The following HDAC4 variants were observed in gnomAD, a reference collection of about 807,000 sequenced individuals.
The protein encoded by HDAC4 is histone deacetylase A.
In HDAC4, 16 loss-of-function variants were observed where a neutral mutation model predicts 135.1. That is an observed-to-expected ratio of 0.12 (90% CI 0.08 to 0.18). The LOEUF (loss-of-function observed/expected upper bound fraction) is 0.18. HDAC4 is among the 10% of genes least tolerant of loss of function. The pLI, the probability that HDAC4 is intolerant of heterozygous loss-of-function variation, is 1.00. For missense variants in HDAC4, 1,143 were observed against 1,511.8 expected, an observed-to-expected ratio of 0.76 and a Z score of 4.05; for synonymous variants, 685 against 653.4, an observed-to-expected ratio of 1.05 and a Z score of -0.74.
At chr2:239,190,739 G>A (rs376628733) in intron 3 of HDAC4, among the ~76,000 whole-genome samples, 46 of 152,326 alleles carry the variant, frequency 3.0e-4, no homozygotes, top group African/African-American at 9.9e-4. Context: ...TGCACCTCGC[G>A]AAGAAATGGA....
intron 2 of HDAC4, among the ~76,000 whole-genome samples, chr2:239,254,279 T>G (rs576298963): frequency 5.9e-5 from 9 of 152,134 alleles, no homozygotes; most frequent in Non-Finnish European, 1.3e-4. Context: ...CTGAAGAGTT[T>G]ACCATGCAAA....
At chr2:239,291,772 A>G (rs1469175896) in intron 2 of HDAC4, among the ~76,000 whole-genome samples, 2 of 152,208 alleles carry the variant, frequency 1.3e-5, no homozygotes, top group East Asian at 1.9e-4. Flanking sequence ...GTCCACACAG[A>G]TATCATAAAG....
intron 2 of HDAC4, among the ~76,000 whole-genome samples, chr2:239,341,202 G>A (rs537295616): frequency 3.9e-5 from 6 of 152,286 alleles, no homozygotes; most frequent in Admixed American, 2.6e-4. Flanking sequence ...CTCCCTCCCC[G>A]ATCCTTTCAC....
chr2:239,263,423 C>G (rs2049507179), intron 2 of HDAC4, among the ~76,000 whole-genome samples: 1 of 152,020 alleles, frequency 6.6e-6, no homozygotes, highest in African/African-American at 2.4e-5. Context: ...AGGTGAACAG[C>G]TTCCCCCTCG....
At chr2:239,209,946 C>T (rs372665265) in intron 3 of HDAC4, among the ~76,000 whole-genome samples, 4 of 152,174 alleles carry the variant, frequency 2.6e-5, no homozygotes, top group South Asian at 2.1e-4. Context: ...CCCCACTTTA[C>T]GCCCACCGAC....
In HDAC4 at chr2:239,081,143, C is replaced by T; in HGVS notation, c.2702G>A (p.Gly901Asp). The T allele has an allele frequency of 1.2e-6, 2 of 1,614,054 alleles. No homozygotes were observed. Among genetic ancestry groups the T allele is most frequent in the South Asian group, 1.1e-5 (1 of 91,062 alleles). ...VGFNVNMAFTGGLDPPMGDAE... is the reference protein window; with the variant it reads ...VGFNVNMAFTDGLDPPMGDAE... ...GTCTCCCATGGGGGGGTCCAGGCCG[C>T]CGGTGAAAGCCATGTTGACGTTGAA... The change falls in exon 22 of 27, where the codon GGC becomes GAC. Residue 901 changes from glycine (G) to aspartate (D), a missense_variant. Physicochemically the swap from Gly to Asp is moderately conservative, Grantham distance 94. Coordinates refer to ENST00000543185, the MANE Select transcript of HDAC4 (RefSeq NM_001378414.1).
At position 239,190,174 on chromosome 2, in the gene HDAC4, C is replaced by CAG. The variant is rs796492749; in HGVS notation, c.95-98_95-97insCT. 3 of 1,071,058 alleles carry CAG rather than the reference C, an allele frequency of 2.8e-6. No homozygotes were observed. The African/African-American group carries it at 5.8e-5, about 21-fold the overall frequency. 66.3% of individuals were successfully genotyped at this position (1,071,058 alleles called of 1,614,324 possible). On this transcript the variant is annotated intron_variant, in intron 3 of 26. Transcript: ENST00000543185. ...CAACACACTGGCCACCTTCACGGGG[C>CAG]GGGGGGGGGGTTGTGACCATTTGAG...
At chr2:239,236,102 C>T (rs577752306) in intron 3 of HDAC4, among the ~76,000 whole-genome samples, 26 of 152,318 alleles carry the variant, frequency 1.7e-4, no homozygotes, top group African/African-American at 5.5e-4. Flanking sequence ...CTGATCACCA[C>T]CGATACTTTT....
chr2:239,378,735 T>C (rs1695205196), intron 1 of HDAC4, among the ~76,000 whole-genome samples: 1 of 152,144 alleles, frequency 6.6e-6, no homozygotes, highest in South Asian at 2.1e-4. Context: ...CAGGAACCAA[T>C]GACCCCAGCA....
chr2:239,264,765 G>A (rs548760415), intron 2 of HDAC4, among the ~76,000 whole-genome samples: 28 of 152,316 alleles, frequency 1.8e-4, no homozygotes, highest in Admixed American at 7.2e-4. Flanking sequence ...CATGCCTTGC[G>A]GCAGGTCCCA....
intron 18 of HDAC4, chr2:239,089,766 A>T: frequency 2.0e-6 from 1 of 512,284 alleles, no homozygotes; most frequent in Non-Finnish European, 3.5e-6. Context: ...TTTTAAGAGT[A>T]TAAAGGGTTC....
At chr2:239,260,658 G>A (rs1316744626) in intron 2 of HDAC4, among the ~76,000 whole-genome samples, 4 of 152,156 alleles carry the variant, frequency 2.6e-5, no homozygotes, top group African/African-American at 9.7e-5. Flanking sequence ...GTGGCCTGTG[G>A]CCTCCGGCTC....
chr2:239,110,102 G>A (rs889264477), intron 14 of HDAC4, among the ~76,000 whole-genome samples: 6 of 152,156 alleles, frequency 3.9e-5, no homozygotes, highest in Non-Finnish European at 8.8e-5. Flanking sequence ...ACAGAGTCCC[G>A]TCTCTGTGAA....
intron 15 of HDAC4, among the ~76,000 whole-genome samples, chr2:239,103,097 G>A (rs1373000860): frequency 6.6e-6 from 1 of 152,128 alleles, no homozygotes; most frequent in Non-Finnish European, 1.5e-5. Context: ...TATTTTAGAG[G>A]GCTTACACTT....
In HDAC4 at chr2:239,163,859, C is replaced by T. The variant is rs769558200; in HGVS notation, c.555G>A (p.Ala185=). 26 of 1,613,958 alleles carry T rather than the reference C, an allele frequency of 1.6e-5. No individual in the cohort carries two copies. The highest frequency in any genetic ancestry group is 2.0e-5 in the Non-Finnish European group (24 of 1,179,966). The change falls in exon 6 of 27, where the codon GCG becomes GCA. Residue 185 remains alanine, a synonymous_variant. Coordinates refer to ENST00000543185, the MANE Select transcript of HDAC4 (RefSeq NM_001378414.1). The part of the protein sequence containing the change: ...LQEFVLNKKK[A]LAHRNLNHCI... ...AGTGGTTCAGATTCCGGTGGGCCAG[C>T]GCCTTCTTTTTATTGAGGACAAATT...
At chr2:239,357,511 C>G (rs975813112) in intron 1 of HDAC4, among the ~76,000 whole-genome samples, 1 of 151,106 alleles carries the variant, frequency 6.6e-6, no homozygotes, top group Admixed American at 6.6e-5. Context: ...AAACTAAAAG[C>G]TGATTCTTTG....
chr2:239,165,467 A>G (rs922978801), intron 5 of HDAC4, among the ~76,000 whole-genome samples: 15 of 151,990 alleles, frequency 9.9e-5, no homozygotes, highest in Middle Eastern at 3.4e-3. Flanking sequence ...CGATGTGCAC[A>G]GTGGTGTTGT....
At chr2:239,345,732 A>T (rs1278851455) in intron 2 of HDAC4, among the ~76,000 whole-genome samples, 3 of 150,894 alleles carry the variant, frequency 2.0e-5, no homozygotes, top group Non-Finnish European at 4.4e-5. Flanking sequence ...CCTAACACAC[A>T]TACACACCGT....
At chr2:239,136,186 T>C (rs2040943378) in intron 9 of HDAC4, among the ~76,000 whole-genome samples, 1 of 152,222 alleles carries the variant, frequency 6.6e-6, no homozygotes, top group African/African-American at 2.4e-5. Flanking sequence ...GAAATCCCCT[T>C]GCCAGAAGCT....
Sources: gnomAD v4.1 joint callset for allele counts (sites outside exome capture counted in the v4.1 genomes callset) on GRCh38, gnomAD v4.1.1 for gene constraint, MANE v1.5 for transcripts, NCBI Gene and HGNC (gene_info 2026-07-23, HGNC 2026-07-21) for gene names.